The following PPM1L variants were observed in gnomAD, a reference collection of about 807,000 sequenced individuals.
The protein encoded by PPM1L is protein phosphatase, Mg2+/Mn2+ dependent 1L, also known as protein phosphatase 1L.
A neutral mutation model predicts 31.4 loss-of-function variants in PPM1L; 13 were observed. The ratio of observed to expected loss-of-function variants is 0.41; its 90% CI spans 0.27 to 0.66. The LOEUF is 0.66. Ranked by LOEUF, PPM1L falls within the 30% of genes least tolerant of loss-of-function variation. The pLI is 0.29. For synonymous variants in PPM1L, 184 were observed against 175.4 expected, an observed-to-expected ratio of 1.05 and a Z score of -0.39; for missense variants, 326 against 453.7, an observed-to-expected ratio of 0.72 and a Z score of 2.56.
At chr3:160,770,965 C>T (rs376616215) in intron 1 of PPM1L, among the ~76,000 whole-genome samples, 1 of 152,134 alleles carries the variant, frequency 6.6e-6, no homozygotes, top group African/African-American at 2.4e-5. Flanking sequence ...TAGTCAAAAT[C>T]TCTCTTGAAA....
At position 160,843,862 on chromosome 3, in the gene PPM1L, C is replaced by G. The variant is rs189262996; in HGVS notation, c.399+87155C>G. 2.9e-3 allele frequency among the ~76,000 whole-genome samples: 446 copies of G among 152,186 alleles called. 2 individuals carry two copies. The highest frequency in any genetic ancestry group is 0.01 in the African/African-American group (428 of 41,524). On this transcript the variant is annotated intron_variant, in intron 1 of 3. Coordinates refer to ENST00000498165, the MANE Select transcript of PPM1L (RefSeq NM_139245.4). ...TTTATTGCGGCACTATTCACAATAG[C>G]AAAGACTTGGAACTAACCCAAATGT...
chr3:161,032,866 ATTTTTTTT>A (rs61145165), intron 2 of PPM1L, among the ~76,000 whole-genome samples: 5 of 107,356 alleles, frequency 4.7e-5, no homozygotes, highest in Non-Finnish European at 5.7e-5. Flanking sequence ...CTAATTTTGT[ATTTTTTTT>A]TTTTTTTTTT....
chr3:161,035,876 G>A (rs1718727192), intron 2 of PPM1L: 1 of 152,218 alleles, frequency 6.6e-6, no homozygotes, highest in Non-Finnish European at 1.5e-5. Flanking sequence ...AAGGGTCATG[G>A]TTAGTTCAGC....
intron 1 of PPM1L, among the ~76,000 whole-genome samples, chr3:160,855,423 T>C (rs1301448787): frequency 6.6e-6 from 1 of 152,084 alleles, no homozygotes; most frequent in Non-Finnish European, 1.5e-5. Flanking sequence ...AAACTATCCA[T>C]AGAGTAAACC....
chr3:160,957,577 C>CTTTT (rs35644904), intron 1 of PPM1L, among the ~76,000 whole-genome samples: 31 of 129,206 alleles, frequency 2.4e-4, no homozygotes, highest in Admixed American at 3.3e-4. Context: ...TATTATTTGA[C>CTTTT]TTTTTTTTTT....
chr3:160,781,484 TAAAAG>T (rs937188689), intron 1 of PPM1L, among the ~76,000 whole-genome samples: 12 of 152,268 alleles, frequency 7.9e-5, no homozygotes, highest in Admixed American at 2.6e-4. Flanking sequence ...TCCATTGTAT[TAAAAG>T]AAAAGGAAAA....
At chr3:161,052,091 A>G (rs114766699) in intron 2 of PPM1L, among the ~76,000 whole-genome samples, 1,940 of 152,276 alleles carry the variant, frequency 0.013, 51 homozygotes, top group African/African-American at 0.044. Flanking sequence ...TTCTCACTCA[A>G]TGGGAGGCCA....
chr3:161,020,221 T>G (rs1718203592), intron 2 of PPM1L, among the ~76,000 whole-genome samples: 1 of 152,180 alleles, frequency 6.6e-6, no homozygotes, highest in African/African-American at 2.4e-5. Context: ...TCAAAATATT[T>G]GAACATATAT....
chr3:160,943,828 A>G (rs190819568), intron 1 of PPM1L, among the ~76,000 whole-genome samples: 1 of 152,320 alleles, frequency 6.6e-6, no homozygotes, highest in African/African-American at 2.4e-5. Flanking sequence ...TGTGTGTCTC[A>G]TAAGTCATGT....
At chr3:160,797,638 C>T (rs1337530947) in intron 1 of PPM1L, among the ~76,000 whole-genome samples, 1 of 152,212 alleles carries the variant, frequency 6.6e-6, no homozygotes, top group East Asian at 1.9e-4. Context: ...AGTGCTACTC[C>T]AGTGAACACA....
intron 1 of PPM1L, among the ~76,000 whole-genome samples, chr3:160,817,948 C>T (rs1178860923): frequency 1.3e-5 from 2 of 151,906 alleles, no homozygotes; most frequent in African/African-American, 4.8e-5. Flanking sequence ...CTATGTGGAG[C>T]TGTTGGTTAA....
chr3:160,782,732 A>T (rs953514575), intron 1 of PPM1L, among the ~76,000 whole-genome samples: 5 of 152,206 alleles, frequency 3.3e-5, no homozygotes, highest in Non-Finnish European at 5.9e-5. Context: ...TAGTTGAAAA[A>T]TTTTAAAAAA....
intron 2 of PPM1L, among the ~76,000 whole-genome samples, chr3:160,996,602 C>T (rs1467184010): frequency 6.6e-6 from 1 of 151,998 alleles, no homozygotes; most frequent in Non-Finnish European, 1.5e-5. Context: ...GATGCAAAGA[C>T]ATAAGAATGA....
rs1414755448 is a variant in PPM1L at position 161,069,433 on chromosome 3, A to T, written c.*276A>T. 2 of 442,544 alleles carry T rather than the reference A, an allele frequency of 4.5e-6. No homozygotes were observed. The highest frequency in any genetic ancestry group is 6.2e-4 in the Middle Eastern group (1 of 1,626). The allele number at this position is 442,544 out of a possible 1,614,324, so 27.4% of individuals were successfully genotyped here. On this transcript the variant is annotated 3_prime_UTR_variant, in exon 4 of 4. Coordinates refer to ENST00000498165, the MANE Select transcript of PPM1L (RefSeq NM_139245.4). ...AAATAGCTGTAGAGTCACATATATG[A>T]AGTGAATAGCATATGTGTCATTTAG...
At chr3:160,920,559 C>T (rs1402785318) in intron 1 of PPM1L, among the ~76,000 whole-genome samples, 1 of 150,160 alleles carries the variant, frequency 6.7e-6, no homozygotes, top group Non-Finnish European at 1.5e-5. Flanking sequence ...GCAGCTGAAA[C>T]CCAGCAACTG....
At chr3:161,051,942 TG>T (rs1404741001) in intron 2 of PPM1L, among the ~76,000 whole-genome samples, 4 of 152,220 alleles carry the variant, frequency 2.6e-5, no homozygotes, top group African/African-American at 9.7e-5. Flanking sequence ...CTTATGTTTT[TG>T]TCCGCCTTTT....
chr3:161,005,743 G>A (rs1235064115), intron 2 of PPM1L, among the ~76,000 whole-genome samples: 1 of 152,202 alleles, frequency 6.6e-6, no homozygotes, highest in East Asian at 1.9e-4. Context: ...TTCCACAAAG[G>A]TTAGCTATTA....
In PPM1L at chr3:161,076,210, A is replaced by G. The variant is rs1236269727; in HGVS notation, c.*7053A>G. ...ATTAGACATCTCTAACCCAAGAAAA[A>G]GATGTCTTTTGTATAACTTTTAAAT... On this transcript the variant is annotated 3_prime_UTR_variant, in exon 4 of 4. Transcript: ENST00000498165. 5.9e-5 allele frequency: 9 copies of G among 152,178 alleles called. No individual in the cohort carries two copies. Among genetic ancestry groups the G allele is most frequent in the Non-Finnish European group, 1.3e-4 (9 of 68,024 alleles). The allele number at this position is 152,178 out of a possible 1,614,324, so 9.4% of individuals were successfully genotyped here. A position where few individuals can be genotyped will look rare whatever the true frequency, so the allele number is the denominator to read the frequency against.
intron 2 of PPM1L, among the ~76,000 whole-genome samples, chr3:161,045,409 A>C (rs1010448956): frequency 1.3e-5 from 2 of 152,240 alleles, no homozygotes; most frequent in Non-Finnish European, 2.9e-5. Context: ...AACAGAAATT[A>C]TAACAAACTG....
Sources: gnomAD v4.1 joint callset for allele counts (sites outside exome capture counted in the v4.1 genomes callset) on GRCh38, gnomAD v4.1.1 for gene constraint, MANE v1.5 for transcripts, NCBI Gene and HGNC (gene_info 2026-07-23, HGNC 2026-07-21) for gene names.